The following RPE variants were observed in gnomAD, a reference collection of about 807,000 sequenced individuals.
The protein encoded by RPE is ribulose-phosphate 3-epimerase.
Under a neutral mutation model 24.6 loss-of-function variants are expected in RPE, and 16 were observed. The observed-to-expected ratio is 0.65, with a 90% CI of 0.44 to 0.99. The LOEUF (loss-of-function observed/expected upper bound fraction) is 0.99. RPE is among the 50% of genes least tolerant of loss of function. The pLI is 0.00. For missense variants in RPE, 240 were observed against 294.5 expected, an observed-to-expected ratio of 0.81 and a Z score of 1.35; for synonymous variants, 93 against 98.4, an observed-to-expected ratio of 0.94 and a Z score of 0.33.
rs1351009782 is a variant in RPE, at chr2:210,016,017, A to G, written c.247A>G (p.Met83Val). 13 of 1,614,094 alleles carry G rather than the reference A, an allele frequency of 8.1e-6. No homozygotes were observed. Among genetic ancestry groups the G allele is most frequent in the South Asian group, 1.1e-5 (1 of 91,090 alleles). The part of the protein sequence containing the change: ...VSKPEQWVKP[M>V]AVAGANQYTF... ...CAAGCCAGAACAGTGGGTAAAGCCAATGGCTGTAGCAGGAGCCAATCAGTA... is the reference window on the plus strand; with the variant it reads ...CAAGCCAGAACAGTGGGTAAAGCCAGTGGCTGTAGCAGGAGCCAATCAGTA... The change falls in exon 3 of 6, where the codon ATG (methionine) becomes GTG (valine). Residue 83 changes from methionine to valine, a missense_variant. Met to Val is a conservative substitution (Grantham distance 21, BLOSUM62 1). Transcript: ENST00000359429.
At position 210,022,011 on chromosome 2, in the gene RPE, T is replaced by G. The variant is rs2093865107; in HGVS notation, c.*2220T>G. ...TCTAGAAATACAATCATCTTTTTTT[T>G]TTTTTTCAAATTTTATACTGATAGG... On this transcript the variant is annotated 3_prime_UTR_variant, in exon 6 of 6. Coordinates refer to ENST00000359429, the MANE Select transcript of RPE (RefSeq NM_199229.3). 1 of 151,756 alleles carries G rather than the reference T, an allele frequency of 6.6e-6. No homozygotes were observed. The highest frequency in any genetic ancestry group is 2.4e-5 in the African/African-American group (1 of 41,318). The allele number at this position is 151,756 out of a possible 1,614,324, so 9.4% of individuals were successfully genotyped here.
intron 4 of RPE, 68 bp from the exon 5 acceptor site, chr2:210,017,405 T>TCCC: frequency 8.2e-7 from 1 of 1,222,650 alleles, no homozygotes; most frequent in Non-Finnish European, 1.2e-6. Context: ...TGTTTGATTG[T>TCCC]CCCCCACCCC....
chr2:210,018,046 G>A (rs540188497), intron 5 of RPE: 32 of 1,193,764 alleles, frequency 2.7e-5, no homozygotes, highest in East Asian at 2.6e-4. Context: ...CGTCTGGCCC[G>A]TAAGTGGATA....
intron 2 of RPE, among the ~76,000 whole-genome samples, chr2:210,012,143 G>A (rs1024437399): frequency 1.2e-4 from 18 of 152,170 alleles, no homozygotes; most frequent in Admixed American, 4.6e-4. Context: ...AGAAATAAAT[G>A]TCTAAGAAAT....
chr2:210,014,134 C>A (rs1190528378), intron 2 of RPE, among the ~76,000 whole-genome samples: 1 of 152,028 alleles, frequency 6.6e-6, no homozygotes, highest in African/African-American at 2.4e-5. Context: ...CTCTGTCGCC[C>A]AGGCTGGAGT....
rs185620188 is a variant in RPE, at chr2:210,003,353, C to T, written c.122+570C>T. The T allele has an allele frequency of 1.4e-5, 10 of 724,456 alleles. No homozygotes were observed. In the African/African-American group the frequency reaches 1.8e-4, roughly 13 times the overall value. 44.9% of individuals were successfully genotyped at this position (724,456 alleles called of 1,614,324 possible). A position where few individuals can be genotyped will look rare whatever the true frequency, so the allele number is the denominator to read the frequency against. ...AATGAGCGAGTACATGAGAAGTTTA[C>T]AGTGCCTGGCGTATATTAAGTTCTC... On this transcript the variant is annotated intron_variant, in intron 1 of 5. Coordinates refer to ENST00000359429, the MANE Select transcript of RPE (RefSeq NM_199229.3).
chr2:210,015,441 T>C (rs1230657828), intron 2 of RPE, among the ~76,000 whole-genome samples: 1 of 152,190 alleles, frequency 6.6e-6, no homozygotes, highest in East Asian at 1.9e-4. Context: ...CCATATTAAC[T>C]GCCAACCTAG....
intron 1 of RPE, among the ~76,000 whole-genome samples, chr2:210,005,731 G>A (rs1160228823): frequency 6.6e-6 from 1 of 152,070 alleles, no homozygotes; most frequent in Non-Finnish European, 1.5e-5. Context: ...CTTTAGTCAT[G>A]TGGGGTGTAC....
chr2:210,016,809 A>G (rs1248987191), intron 4 of RPE, among the ~76,000 whole-genome samples, 168 bp downstream of exon 4: 1 of 152,158 alleles, frequency 6.6e-6, no homozygotes, highest in Non-Finnish European at 1.5e-5. Context: ...TAGATTTCTG[A>G]TTTGGAAATC....
At chr2:210,018,214 A>G in intron 5 of RPE, 1 of 1,534,606 alleles carries the variant, frequency 6.5e-7, no homozygotes, top group Non-Finnish European at 8.7e-7. Flanking sequence ...AAAATACGGA[A>G]TTAAAAGGTA....
intron 1 of RPE, among the ~76,000 whole-genome samples, chr2:210,007,013 G>A (rs1032576457): frequency 6.6e-6 from 1 of 152,086 alleles, no homozygotes; most frequent in Non-Finnish European, 1.5e-5. Context: ...GTCATTATAG[G>A]GACAGATGAG....
At chr2:210,016,177 A>C in intron 3 of RPE, 65 bp downstream of exon 3, 1 of 1,613,790 alleles carries the variant, frequency 6.2e-7, no homozygotes, top group Admixed American at 1.7e-5. Context: ...TGCGGGAAAC[A>C]GGAAATTTTC....
intron 2 of RPE, among the ~76,000 whole-genome samples, chr2:210,011,342 C>T (rs553342226): frequency 3.3e-5 from 5 of 152,278 alleles, no homozygotes; most frequent in African/African-American, 1.2e-4. Flanking sequence ...TTTTCTCCCA[C>T]TGTACAACCA....
At chr2:210,014,640 A>AG (rs1326891612) in intron 2 of RPE, among the ~76,000 whole-genome samples, 1 of 151,754 alleles carries the variant, frequency 6.6e-6, no homozygotes, top group East Asian at 1.9e-4. Flanking sequence ...AAAAAAAAAA[A>AG]GTTCTCATAC....
In RPE at chr2:210,017,149, T is replaced by C. The variant is rs952954640; in HGVS notation, c.478-324T>C. 3.3e-5 allele frequency among the ~76,000 whole-genome samples: 5 copies of C among 152,324 alleles called. No individual in the cohort carries two copies. In the South Asian group the frequency reaches 6.2e-4, roughly 19 times the overall value. On this transcript the variant is annotated intron_variant, in intron 4 of 5. Coordinates refer to ENST00000359429, the MANE Select transcript of RPE (RefSeq NM_199229.3). The stretch of plus-strand genomic sequence containing the variant: ...GGCAGCCAACCACGCCTGGAAGTCT[T>C]GAAATTTCCTTTTGAAACTATTATC...
chr2:210,003,409 T>G, intron 1 of RPE: 1 of 1,268,748 alleles, frequency 7.9e-7, no homozygotes, highest in South Asian at 1.2e-5. Context: ...TTATTACAAT[T>G]CTGATTTTCC....
chr2:210,015,222 CTT>C (rs1456792186), intron 2 of RPE, among the ~76,000 whole-genome samples: 2 of 152,234 alleles, frequency 1.3e-5, no homozygotes, highest in South Asian at 2.1e-4. Context: ...CCTCAGCTCT[CTT>C]TGCTCTTATT....
intron 1 of RPE, among the ~76,000 whole-genome samples, chr2:210,005,692 T>C (rs2093621855): frequency 6.6e-6 from 1 of 152,004 alleles, no homozygotes; most frequent in Admixed American, 6.6e-5. Flanking sequence ...CCAGGTGACA[T>C]GCGCTGGAGC....
intron 2 of RPE, among the ~76,000 whole-genome samples, chr2:210,014,360 G>T (rs994974811): frequency 2.6e-5 from 4 of 152,016 alleles, no homozygotes; most frequent in Admixed American, 6.5e-5. Flanking sequence ...AAGTGCTGGG[G>T]TTACAGGCGT....
Sources: gnomAD v4.1 joint callset for allele counts (sites outside exome capture counted in the v4.1 genomes callset) on GRCh38, gnomAD v4.1.1 for gene constraint, MANE v1.5 for transcripts, NCBI Gene and HGNC (gene_info 2026-07-23, HGNC 2026-07-21) for gene names.